TANGO6: variants seen among roughly 807,000 people sequenced by gnomAD.
TANGO6 encodes the protein transport and Golgi organization protein 6 homolog.
A neutral mutation model predicts 114.2 loss-of-function variants in TANGO6; 90 were observed. The observed-to-expected ratio is 0.79, with a 90% CI of 0.66 to 0.94. The LOEUF is 0.94. Ranked by LOEUF, TANGO6 falls within the 40% of genes least tolerant of loss-of-function variation. The pLI, the probability that TANGO6 is intolerant of heterozygous loss-of-function variation, is 0.00. For synonymous variants in TANGO6, 477 were observed against 509.8 expected (o/e 0.94, Z 0.87); for missense variants, 1,274 against 1,315.3 (o/e 0.97, Z 0.49).
At chr16:68,970,110 C>A (rs147126293) in intron 14 of TANGO6, among the ~76,000 whole-genome samples, 1 of 152,194 alleles carries the variant, frequency 6.6e-6, no homozygotes, top group African/African-American at 2.4e-5. Flanking sequence ...AACTGGCCAG[C>A]CTGGGATACA....
chr16:69,017,019 A>T (rs2152226184), intron 15 of TANGO6, among the ~76,000 whole-genome samples: 1 of 152,318 alleles, frequency 6.6e-6, no homozygotes, highest in Admixed American at 6.5e-5. Flanking sequence ...GTTGCTTCAG[A>T]TCCTGTGTGG....
chr16:69,012,195 A>C (rs566975581), intron 15 of TANGO6, among the ~76,000 whole-genome samples: 149 of 152,176 alleles, frequency 9.8e-4, no homozygotes, highest in Non-Finnish European at 1.2e-3. Flanking sequence ...ACTCATTAGA[A>C]TCTACTGGAG....
intron 11 of TANGO6, among the ~76,000 whole-genome samples, chr16:68,915,441 A>AT (rs1263486195): frequency 2.6e-5 from 4 of 151,706 alleles, no homozygotes; most frequent in Non-Finnish European, 5.9e-5. Context: ...TAATTTTTTA[A>AT]TTTTTTCTAG....
At chr16:68,912,371 C>T (rs764529943) in intron 11 of TANGO6, among the ~76,000 whole-genome samples, 8 of 152,184 alleles carry the variant, frequency 5.3e-5, no homozygotes, top group East Asian at 1.9e-4. Context: ...CAGTGGCTCA[C>T]GCCTGGAATC....
At position 68,870,634 on chromosome 16, in the gene TANGO6, C is replaced by T. The variant is rs567964615; in HGVS notation, c.994+3414C>T. On this transcript the variant is annotated intron_variant, in intron 4 of 17. Coordinates refer to ENST00000261778, the MANE Select transcript of TANGO6 (RefSeq NM_024562.2). ...ATATATTTGTTGTTATCTATTCATA[C>T]CTTGTTTCTTTCCCAAAATGGTTTG... Among the ~76,000 whole-genome samples, 5 of 152,174 alleles carry T rather than the reference C, an allele frequency of 3.3e-5. No individual in the cohort carries two copies. The South Asian group carries it at 6.2e-4, about 19-fold the overall frequency.
At chr16:68,950,080 C>A (rs950401388) in intron 14 of TANGO6, among the ~76,000 whole-genome samples, 1 of 152,022 alleles carries the variant, frequency 6.6e-6, no homozygotes, top group African/African-American at 2.4e-5. Flanking sequence ...ATGAAATGTC[C>A]AAAACAGACA....
intron 15 of TANGO6, chr16:69,007,261 TTTC>T (rs1964100283): frequency 6.6e-6 from 1 of 150,432 alleles, no homozygotes; most frequent in Non-Finnish European, 1.5e-5. Context: ...TTTTTTCTTT[TTTC>T]TTTTCTTTTT....
At chr16:69,020,904 A>ATGTATGTGTG (rs1555528347) in intron 15 of TANGO6, among the ~76,000 whole-genome samples, 1 of 87,284 alleles carries the variant, frequency 1.1e-5, no homozygotes, top group Non-Finnish European at 3.0e-5. Flanking sequence ...ATATGTATGT[A>ATGTATGTGTG]TGTGTGTGTG....
intron 14 of TANGO6, among the ~76,000 whole-genome samples, chr16:68,951,612 CT>C (rs869222437): frequency 0.081 from 10,815 of 133,292 alleles, 293 homozygotes; most frequent in African/African-American, 0.095. Flanking sequence ...GGCCTCTGTT[CT>C]TTTTTTTTTT....
intron 3 of TANGO6, among the ~76,000 whole-genome samples, chr16:68,863,859 T>G (rs1378618239): frequency 1.3e-5 from 2 of 152,126 alleles, no homozygotes; most frequent in African/African-American, 4.8e-5. Flanking sequence ...GATAAGATAG[T>G]TTCTTTGTTT....
At chr16:69,012,335 T>C (rs1009755845) in intron 15 of TANGO6, among the ~76,000 whole-genome samples, 2 of 151,974 alleles carry the variant, frequency 1.3e-5, no homozygotes, top group Non-Finnish European at 2.9e-5. Context: ...GGTGGTCGGA[T>C]CACCTGAGGT....
At chr16:68,848,355 C>T (rs1035785814) in intron 1 of TANGO6, among the ~76,000 whole-genome samples, 17 of 151,872 alleles carry the variant, frequency 1.1e-4, no homozygotes, top group Non-Finnish European at 2.5e-4. Flanking sequence ...TATAGAGAAA[C>T]CAAAAAGAAG....
chr16:68,873,292 T>C (rs1962307047), intron 4 of TANGO6, among the ~76,000 whole-genome samples: 1 of 152,112 alleles, frequency 6.6e-6, no homozygotes, highest in Non-Finnish European at 1.5e-5. Context: ...ATAATGTTTT[T>C]GAGATTTATT....
Position 69,062,091 on chromosome 16 carries a change from C to T in TANGO6, c.3109-21394C>T, listed in dbSNP as rs1960126941. ...TATCTTCAGACTCATACTTCACATA[C>T]ATATGTTTAAGAACAAATTTTTAAA... On this transcript the variant is annotated intron_variant, in intron 17 of 17. Transcript: ENST00000261778. 1.3e-5 allele frequency among the ~76,000 whole-genome samples: 2 copies of T among 152,152 alleles called. 1 individual carries two copies. The highest frequency in any genetic ancestry group is 1.3e-4 in the Admixed American group (2 of 15,268).
At chr16:68,854,876 T>C (rs1332988978) in intron 1 of TANGO6, among the ~76,000 whole-genome samples, 1 of 152,152 alleles carries the variant, frequency 6.6e-6, no homozygotes, top group Non-Finnish European at 1.5e-5. Flanking sequence ...TGTTCTTGAC[T>C]GTTCTGGGTC....
chr16:69,070,157 G>A (rs986395275), intron 17 of TANGO6, among the ~76,000 whole-genome samples: 5 of 150,710 alleles, frequency 3.3e-5, no homozygotes, highest in South Asian at 2.1e-4. Flanking sequence ...GCAGTGAGCC[G>A]AGATCGTGCC....
chr16:68,983,371 C>T (rs1056523774), intron 15 of TANGO6, among the ~76,000 whole-genome samples: 15 of 151,774 alleles, frequency 9.9e-5, no homozygotes, highest in Admixed American at 2.6e-4. Flanking sequence ...CTTGAAAACA[C>T]TTATTTTTTT....
chr16:69,067,156 C>T (rs1014527953), intron 17 of TANGO6, among the ~76,000 whole-genome samples: 1 of 152,144 alleles, frequency 6.6e-6, no homozygotes, highest in African/African-American at 2.4e-5. Flanking sequence ...CTTTACCTCC[C>T]GAAGTGCCGG....
chr16:68,901,678 A>G (rs1962787418), intron 8 of TANGO6, among the ~76,000 whole-genome samples: 1 of 152,068 alleles, frequency 6.6e-6, no homozygotes, highest in Admixed American at 6.6e-5. Flanking sequence ...TAGTAGAGAC[A>G]GTGTTTCACC....
Sources: allele counts gnomAD v4.1 joint callset (sites outside exome capture counted in the v4.1 genomes callset), GRCh38; gene constraint gnomAD v4.1.1; transcripts MANE v1.5; gene names NCBI Gene and HGNC (gene_info 2026-07-23, HGNC 2026-07-21).